Variants in CCDC178 observed in about 807,000 individuals in gnomAD.
CCDC178 encodes coiled-coil domain-containing protein 178.
In CCDC178, 126 loss-of-function variants were observed where a neutral mutation model predicts 117.4. The observed-to-expected ratio is 1.07, with a 90% CI of 0.93 to 1.24. CCDC178 has a LOEUF of 1.24. Among genes scored for constraint, CCDC178 ranks in the 50% most tolerant of loss-of-function variants. The pLI is 0.00. For synonymous variants in CCDC178, 283 were observed against 313.4 expected, an observed-to-expected ratio of 0.90 and a Z score of 1.02; for missense variants, 1,030 against 986.9, an observed-to-expected ratio of 1.04 and a Z score of -0.59.
intron 20 of CCDC178, among the ~76,000 whole-genome samples, chr18:33,163,557 G>T (rs934475336): frequency 3.3e-5 from 5 of 152,062 alleles, no homozygotes; most frequent in Admixed American, 3.3e-4. Context: ...CTGATAAAAA[G>T]AATCAACTGC....
intron 10 of CCDC178, among the ~76,000 whole-genome samples, chr18:33,327,108 C>A (rs1485656853): frequency 6.6e-6 from 1 of 152,068 alleles, no homozygotes; most frequent in East Asian, 1.9e-4. Flanking sequence ...ACAAACAAAA[C>A]TCGATATTAC....
chr18:32,981,925 A>C (rs2055161836), intron 21 of CCDC178, among the ~76,000 whole-genome samples: 1 of 152,164 alleles, frequency 6.6e-6, no homozygotes, highest in South Asian at 2.1e-4. Flanking sequence ...AAATATTTTC[A>C]TGAGAATTTG....
chr18:33,142,015 C>T (rs903125440), intron 20 of CCDC178, among the ~76,000 whole-genome samples: 3 of 152,150 alleles, frequency 2.0e-5, no homozygotes, highest in African/African-American at 7.2e-5. Context: ...CCTACAGACA[C>T]CTATAAATAT....
At chr18:33,411,725 C>T (rs1171211022) in intron 3 of CCDC178, among the ~76,000 whole-genome samples, 17 of 152,218 alleles carry the variant, frequency 1.1e-4, no homozygotes, top group Non-Finnish European at 2.9e-5. Flanking sequence ...GGAATGGAAT[C>T]GAGAAGAGAT....
intron 14 of CCDC178, among the ~76,000 whole-genome samples, chr18:33,247,712 T>A (rs1002389362): frequency 4.6e-5 from 7 of 151,858 alleles, no homozygotes; most frequent in African/African-American, 1.7e-4. Flanking sequence ...TTGTGTTTAC[T>A]GTGTACATAT....
intron 20 of CCDC178, among the ~76,000 whole-genome samples, chr18:33,179,670 T>C (rs1210592101): frequency 3.3e-5 from 5 of 152,036 alleles, no homozygotes; most frequent in Non-Finnish European, 7.4e-5. Context: ...TAGAGCAATG[T>C]TTACCAATCA....
intron 22 of CCDC178, among the ~76,000 whole-genome samples, chr18:32,973,809 A>G (rs1334007318): frequency 1.3e-5 from 2 of 152,092 alleles, no homozygotes; most frequent in Non-Finnish European, 2.9e-5. Context: ...CAGAACAGGC[A>G]TTCTAGTTTT....
rs1160881139 is a variant in CCDC178, at chr18:32,937,810, C to A, written c.*201G>T. ...AGAGCTGAAATTAGATCGTTCCTGA[C>A]AGCAGCATGAAAGTCACCTGTTTCA... On this transcript the variant is annotated 3_prime_UTR_variant, in exon 23 of 23. Transcript: ENST00000383096. 5 of 541,782 alleles carry A rather than the reference C, an allele frequency of 9.2e-6. No homozygotes were observed. Among genetic ancestry groups the A allele is most frequent in the African/African-American group, 7.6e-5 (4 of 52,320 alleles). The allele number at this position is 541,782 out of a possible 1,614,324, so 33.6% of individuals were successfully genotyped here.
intron 20 of CCDC178, among the ~76,000 whole-genome samples, chr18:33,130,610 C>T (rs953600979): frequency 1.3e-5 from 2 of 151,948 alleles, no homozygotes; most frequent in Non-Finnish European, 2.9e-5. Context: ...AGTGCTGCCC[C>T]AGGGGGCATT....
chr18:33,105,335 T>C (rs2057689819), intron 20 of CCDC178, among the ~76,000 whole-genome samples: 1 of 151,670 alleles, frequency 6.6e-6, no homozygotes. Flanking sequence ...CCCACTTCTG[T>C]GAATTTTTTT....
chr18:33,319,089 C>T (rs572634528), intron 11 of CCDC178, among the ~76,000 whole-genome samples: 14 of 152,062 alleles, frequency 9.2e-5, no homozygotes, highest in East Asian at 1.9e-4. Flanking sequence ...ATGTGCACAA[C>T]GTGTAGGTTT....
chr18:33,364,701 A>G (rs940384368), intron 6 of CCDC178, among the ~76,000 whole-genome samples: 2 of 151,322 alleles, frequency 1.3e-5, no homozygotes, highest in African/African-American at 2.4e-5. Flanking sequence ...AGGTGAGATA[A>G]CAACAGTTTG....
At chr18:33,343,848 T>C (rs921726519) in intron 9 of CCDC178, among the ~76,000 whole-genome samples, 1 of 152,214 alleles carries the variant, frequency 6.6e-6, no homozygotes, top group Non-Finnish European at 1.5e-5. Flanking sequence ...TTACATGCTA[T>C]ATACTTTTGA....
chr18:33,281,760 T>G (rs1277481797), intron 12 of CCDC178, among the ~76,000 whole-genome samples: 1 of 152,262 alleles, frequency 6.6e-6, no homozygotes, highest in African/African-American at 2.4e-5. Context: ...TACCTGTGCT[T>G]CTTGTACTAC....
intron 20 of CCDC178, among the ~76,000 whole-genome samples, chr18:33,180,677 C>T (rs1046402418): frequency 2.0e-5 from 3 of 151,964 alleles, no homozygotes; most frequent in Admixed American, 6.6e-5. Flanking sequence ...GCTACATTAG[C>T]AACAAACCTA....
chr18:32,986,011 G>A (rs1187060336), intron 21 of CCDC178, among the ~76,000 whole-genome samples: 2 of 151,910 alleles, frequency 1.3e-5, no homozygotes, highest in East Asian at 1.9e-4. Flanking sequence ...TTTTTGCACT[G>A]TTTCTAACAT....
intron 5 of CCDC178, among the ~76,000 whole-genome samples, chr18:33,376,092 T>C (rs2063361862): frequency 6.6e-6 from 1 of 152,228 alleles, no homozygotes; most frequent in Admixed American, 6.5e-5. Context: ...ACTTCCAAGA[T>C]ACTGCATTAC....
intron 21 of CCDC178, among the ~76,000 whole-genome samples, chr18:33,061,830 TAC>T (rs1436390905): frequency 6.6e-6 from 1 of 152,190 alleles, no homozygotes; most frequent in Non-Finnish European, 1.5e-5. Flanking sequence ...GGTAGACATC[TAC>T]AGAGGGTTAT....
chr18:33,372,885 T>TGTAC (rs756280336), intron 5 of CCDC178, among the ~76,000 whole-genome samples: 21 of 152,216 alleles, frequency 1.4e-4, no homozygotes, highest in Non-Finnish European at 2.5e-4. Context: ...ACTTCCTTTA[T>TGTAC]GTACGTTACC....
Sources: allele counts gnomAD v4.1 joint callset (sites outside exome capture counted in the v4.1 genomes callset), GRCh38; gene constraint gnomAD v4.1.1; transcripts MANE v1.5; gene names NCBI Gene and HGNC (gene_info 2026-07-23, HGNC 2026-07-21).